ATP13A5: variants seen among roughly 807,000 people sequenced by gnomAD.
ATP13A5 encodes the protein probable cation-transporting ATPase 13A5.
Under a neutral mutation model 150.2 loss-of-function variants are expected in ATP13A5, and 149 were observed. That is an observed-to-expected ratio of 0.99 (90% CI 0.87 to 1.14). The LOEUF is 1.14. Ranked by LOEUF, ATP13A5 falls within the 50% of genes most tolerant of loss-of-function variation. The probability of loss-of-function intolerance (pLI) is 0.00; values close to 1 mark genes in which losing one functional copy is unlikely to be tolerated. For synonymous variants in ATP13A5, 497 were observed against 522.2 expected (o/e 0.95, Z 0.66); for missense variants, 1,383 against 1,449.3 (o/e 0.95, Z 0.74).
chr3:193,281,229 A>G, intron 27 of ATP13A5: 2 of 985,224 alleles, frequency 2.0e-6, no homozygotes. Flanking sequence ...TGGGAAGAAG[A>G]GGACGCCTGA....
chr3:193,307,903 G>T (rs1718678521), intron 21 of ATP13A5, among the ~76,000 whole-genome samples: 1 of 152,186 alleles, frequency 6.6e-6, no homozygotes, highest in Non-Finnish European at 1.5e-5. Context: ...TATCAGTTTG[G>T]TGTGCAAGCA....
At chr3:193,277,075 T>C (rs1005444160) in intron 28 of ATP13A5, among the ~76,000 whole-genome samples, 5 of 152,190 alleles carry the variant, frequency 3.3e-5, no homozygotes, top group Non-Finnish European at 7.3e-5. Context: ...TGGTGCCTAC[T>C]GAGAAATGTG....
chr3:193,360,262 C>T (rs1198084037), intron 5 of ATP13A5, among the ~76,000 whole-genome samples: 14 of 152,068 alleles, frequency 9.2e-5, no homozygotes, highest in Admixed American at 3.3e-4. Context: ...GATATGCTTT[C>T]GCTACTGAAA....
chr3:193,305,384 G>C (rs907015159), intron 23 of ATP13A5, among the ~76,000 whole-genome samples, 175 bp downstream of exon 23: 11 of 152,090 alleles, frequency 7.2e-5, no homozygotes, highest in African/African-American at 2.7e-4. Context: ...CTTTTCTGTG[G>C]CTTTTACCAG....
intron 7 of ATP13A5, among the ~76,000 whole-genome samples, chr3:193,345,411 G>A (rs1712298185): frequency 6.6e-6 from 1 of 152,144 alleles, no homozygotes; most frequent in Non-Finnish European, 1.5e-5. Flanking sequence ...GAGAAAAAAA[G>A]TGATTCGCAT....
chr3:193,363,354 T>C lies in ATP13A5; in HGVS notation c.266A>G (p.Lys89Arg). The C allele has an allele frequency of 6.2e-7, 1 of 1,612,526 alleles. No individual in the cohort carries two copies. Among genetic ancestry groups the C allele is most frequent in the Non-Finnish European group, 8.5e-7 (1 of 1,179,356 alleles). ...TGTGGATAAGTAGAGGCAGAATACC[T>C]TCTTCCTCATATATCTTTGAAATTC... ...TDEFQRYMRKKVFCLYLSTLK... is the reference protein window; with the variant it reads ...TDEFQRYMRKRVFCLYLSTLK... Residue 89 changes from lysine (K) to arginine (R), a missense_variant, in exon 3 of 30, where the codon AAG becomes AGG. Lys to Arg is a conservative substitution (Grantham distance 26). Transcript: ENST00000342358.
At chr3:193,295,121 A>T (rs1298569663) in intron 25 of ATP13A5, among the ~76,000 whole-genome samples, 1 of 152,094 alleles carries the variant, frequency 6.6e-6, no homozygotes, top group East Asian at 1.9e-4. Flanking sequence ...GCTGCAGATA[A>T]ATGTCCACAG....
intron 21 of ATP13A5, among the ~76,000 whole-genome samples, chr3:193,310,310 A>AAT (rs1222732076): frequency 1.9e-4 from 29 of 152,320 alleles, no homozygotes; most frequent in African/African-American, 6.5e-4. Flanking sequence ...TGCTATTGTG[A>AAT]ATAGTGCTGC....
At chr3:193,310,769 A>G in intron 20 of ATP13A5, 52 bp from the exon 21 acceptor site, 1 of 1,454,582 alleles carries the variant, frequency 6.9e-7, no homozygotes, top group Non-Finnish European at 9.4e-7. Context: ...GAAAACTTTT[A>G]AAAATAAAAG....
At position 193,363,236 on chromosome 3, in the gene ATP13A5, T is replaced by C; in HGVS notation, c.384A>G (p.Lys128=). The change falls in exon 3 of 30, where the codon AAA becomes AAG. Residue 128 remains lysine, a splice_region_variant and synonymous_variant. Transcript: ENST00000342358. ...ACACCATACCCTTCAAGTAACTTAC[T>C]TTTAATTCTGGCTTTATTAAGGCTT... ...INQALIKPEL[K]LRCMEVQKIR... 6.2e-7 allele frequency: 1 copy of C among 1,612,472 alleles called. No individual in the cohort carries two copies. Among genetic ancestry groups the C allele is most frequent in the Non-Finnish European group, 8.5e-7 (1 of 1,179,240 alleles).
chr3:193,291,627 G>A (rs1717957200), intron 25 of ATP13A5, among the ~76,000 whole-genome samples: 2 of 151,864 alleles, frequency 1.3e-5, no homozygotes, highest in African/African-American at 2.4e-5. Context: ...AGGGGAGTGG[G>A]GTTAGAGACT....
intron 1 of ATP13A5, among the ~76,000 whole-genome samples, chr3:193,377,452 A>T (rs965084228): frequency 6.6e-6 from 1 of 152,234 alleles, no homozygotes; most frequent in Non-Finnish European, 1.5e-5. Flanking sequence ...CAATATAAAA[A>T]TTATTAATAA....
intron 6 of ATP13A5, among the ~76,000 whole-genome samples, chr3:193,351,844 A>G (rs1170369907): frequency 6.6e-6 from 1 of 152,240 alleles, no homozygotes; most frequent in African/African-American, 2.4e-5. Context: ...GGTCACTCAT[A>G]CATGTACATT....
chr3:193,316,310 C>A (rs145659080), intron 17 of ATP13A5, among the ~76,000 whole-genome samples: 1 of 151,980 alleles, frequency 6.6e-6, no homozygotes, highest in Non-Finnish European at 1.5e-5. Context: ...AATGTCAGTT[C>A]TTTTGGATAT....
chr3:193,308,256 G>C (rs1011416430), intron 21 of ATP13A5, among the ~76,000 whole-genome samples: 1 of 152,046 alleles, frequency 6.6e-6, no homozygotes, highest in Middle Eastern at 3.4e-3. Flanking sequence ...TCAGGAGTTC[G>C]AGACCAGCCT....
At chr3:193,291,091 C>T (rs1469484277) in intron 25 of ATP13A5, among the ~76,000 whole-genome samples, 3 of 152,070 alleles carry the variant, frequency 2.0e-5, no homozygotes, top group African/African-American at 7.2e-5. Flanking sequence ...TATAGTATTT[C>T]TTTGCTTTGT....
chr3:193,351,303 T>C lies in ATP13A5; in HGVS notation c.607-102A>G, dbSNP rs1712553553. 14 of 1,302,714 alleles carry C rather than the reference T, an allele frequency of 1.1e-5. No homozygotes were observed. The South Asian group carries it at 1.6e-4, about 15-fold the overall frequency. 80.7% of individuals were successfully genotyped at this position (1,302,714 alleles called of 1,614,324 possible). On this transcript the variant is annotated intron_variant, in intron 6 of 29. Coordinates refer to ENST00000342358, the MANE Select transcript of ATP13A5 (RefSeq NM_198505.4). ...ATTTTTTTCTCATTTTTTTACAACA[T>C]ACACAAACCTCTAATATTTAAGAAT...
At chr3:193,339,701 G>A (rs1712040758) in intron 9 of ATP13A5, among the ~76,000 whole-genome samples, 1 of 152,062 alleles carries the variant, frequency 6.6e-6, no homozygotes, top group Admixed American at 6.6e-5. Context: ...TTCGTAGAAG[G>A]GTTAGAATGT....
chr3:193,321,554 T>C, intron 16 of ATP13A5, 127 bp downstream of exon 16: 1 of 987,650 alleles, frequency 1.0e-6, no homozygotes, highest in Non-Finnish European at 1.5e-6. Context: ...TCACTTGAAC[T>C]TGGGAGGTGG....
Sources: allele counts gnomAD v4.1 joint callset (sites outside exome capture counted in the v4.1 genomes callset), GRCh38; gene constraint gnomAD v4.1.1; transcripts MANE v1.5; gene names NCBI Gene and HGNC (gene_info 2026-07-23, HGNC 2026-07-21).